RPH3AL: variants seen among roughly 807,000 people sequenced by gnomAD.
RPH3AL encodes rabphilin 3A like (without C2 domains).
In RPH3AL, 38 loss-of-function variants were observed where a neutral mutation model predicts 43.1. The observed-to-expected ratio is 0.88, with a 90% confidence interval of 0.68 to 1.15. The LOEUF (loss-of-function observed/expected upper bound fraction) is 1.15, where lower values mean the gene tolerates loss of function less well. RPH3AL is among the 50% of genes most tolerant of loss of function. The pLI, the probability that RPH3AL is intolerant of heterozygous loss-of-function variation, is 0.00. For synonymous variants in RPH3AL, 189 were observed against 176.3 expected, an observed-to-expected ratio of 1.07 and a Z score of -0.57; for missense variants, 462 against 423.2, an observed-to-expected ratio of 1.09 and a Z score of -0.81.
In RPH3AL at chr17:257,559, AATGTG is replaced by A. The variant is rs1555544737; in HGVS notation, c.439-10279_439-10275del. On this transcript the variant is annotated intron_variant, in intron 6 of 9. Coordinates refer to ENST00000331302, the MANE Select transcript of RPH3AL (RefSeq NM_006987.4). ...GCGTCTGTCCTTTTCCGTCCCTAGGAATGTGACTACCCTACGTACTTCCTATGAGG... is the reference window on the plus strand; with the variant it reads ...GCGTCTGTCCTTTTCCGTCCCTAGGAACTACCCTACGTACTTCCTATGAGG... Among the ~76,000 whole-genome samples the A allele has an allele frequency of 3.2e-4, 12 of 38,086 alleles. 1 individual carries two copies. The highest frequency in any genetic ancestry group is 7.3e-4 in the Admixed American group (3 of 4,100). The allele number at this position is 38,086 out of a possible 152,430, so 25.0% of individuals were successfully genotyped here. A position where few individuals can be genotyped will look rare whatever the true frequency, so the allele number is the denominator to read the frequency against.
Position 290,602 on chromosome 17 carries a change from C to T in RPH3AL, c.352-8748G>A, listed in dbSNP as rs1307612465. Reference sequence around the variant, plus strand: ...ACCCCTTCTCCTTCCCAGATGGCACCCAAGAGTCACAATGCGACAGAAGGT... The same window carrying T: ...ACCCCTTCTCCTTCCCAGATGGCACTCAAGAGTCACAATGCGACAGAAGGT... On this transcript the variant is annotated intron_variant, in intron 5 of 9. Coordinates refer to ENST00000331302, the MANE Select transcript of RPH3AL (RefSeq NM_006987.4). The surrounding 1 kb of genome is among the most constrained non-coding windows in gnomAD (Gnocchi z 4.2). Among the ~76,000 whole-genome samples, 2 of 152,028 alleles carry T rather than the reference C, an allele frequency of 1.3e-5. No individual in the cohort carries two copies. The highest frequency in any genetic ancestry group is 2.9e-5 in the Non-Finnish European group (2 of 68,018).
intron 5 of RPH3AL, among the ~76,000 whole-genome samples, chr17:306,019 C>T (rs2043477447): frequency 9.4e-6 from 1 of 106,160 alleles, no homozygotes; most frequent in African/African-American, 3.2e-5. Context: ...CCACCATGCC[C>T]AGCTATTTTT....
At chr17:265,268 T>C (rs974888180) in intron 6 of RPH3AL, among the ~76,000 whole-genome samples, 8 of 152,136 alleles carry the variant, frequency 5.3e-5, no homozygotes, top group African/African-American at 1.7e-4. Context: ...TTTTTGTAAT[T>C]TCTTTTTAAG....
chr17:268,989 C>T (rs1244613993), intron 6 of RPH3AL, among the ~76,000 whole-genome samples: 2 of 152,162 alleles, frequency 1.3e-5, no homozygotes, highest in African/African-American at 2.4e-5. Context: ...CGCCATTCTC[C>T]TGCCTCAGCC....
chr17:263,262 A>G (rs55695413), intron 6 of RPH3AL, among the ~76,000 whole-genome samples: 36,211 of 152,096 alleles, frequency 0.24, 4,665 homozygotes, highest in East Asian at 0.35. Context: ...ACAGAGGAAA[A>G]TATTATACAA....
At position 274,768 on chromosome 17, in the gene RPH3AL, A is replaced by G. The variant is rs2042613852; in HGVS notation, c.438+7000T>C. On this transcript the variant is annotated intron_variant, in intron 6 of 9. Transcript: ENST00000331302. The surrounding 1 kb of genome is among the most constrained non-coding windows in gnomAD (Gnocchi z 4.7). ...GTCTGCGGGGCTTAGGCTGCTGCAG[A>G]AGCGGGGAGGGGAAAACCTCCAAAG... Among the ~76,000 whole-genome samples, 1 of 152,172 alleles carries G rather than the reference A, an allele frequency of 6.6e-6. No homozygotes were observed. Among genetic ancestry groups the G allele is most frequent in the South Asian group, 2.1e-4 (1 of 4,830 alleles).
chr17:282,054 C>G (rs923916074), intron 5 of RPH3AL, among the ~76,000 whole-genome samples, 200 bp from the exon 6 acceptor site: 1 of 152,184 alleles, frequency 6.6e-6, no homozygotes, highest in Non-Finnish European at 1.5e-5. Flanking sequence ...ATGGCCCCAT[C>G]CACGGAACCC....
intron 6 of RPH3AL, among the ~76,000 whole-genome samples, chr17:280,708 G>A (rs971784487): frequency 6.6e-6 from 1 of 152,196 alleles, no homozygotes; most frequent in Admixed American, 6.5e-5. Context: ...TGACTTGGAA[G>A]GCAGTACTGA....
intron 9 of RPH3AL, chr17:214,648 T>C (rs1035849260): frequency 1.3e-5 from 2 of 152,264 alleles, no homozygotes; most frequent in African/African-American, 4.8e-5. Context: ...CACTTGCCTA[T>C]AGTCCTAGCT....
chr17:282,182 C>A (rs1161426575), intron 5 of RPH3AL, among the ~76,000 whole-genome samples: 1 of 152,198 alleles, frequency 6.6e-6, no homozygotes, highest in African/African-American at 2.4e-5. Flanking sequence ...AGGGGAGGGT[C>A]CAGGCAAACA....
Position 275,242 on chromosome 17 carries a change from CAAAAAACA to C in RPH3AL, c.438+6518_438+6525del, listed in dbSNP as rs887448766. 9.1e-4 allele frequency among the ~76,000 whole-genome samples: 23 copies of C among 25,322 alleles called. No individual in the cohort carries two copies. In the Admixed American group the frequency reaches 0.012, roughly 13 times the overall value. The allele number at this position is 25,322 out of a possible 152,430, so 16.6% of individuals were successfully genotyped here. On this transcript the variant is annotated intron_variant, in intron 6 of 9. Transcript: ENST00000331302. ...CAATTATTCATAACAGCAAAAAAAA[CAAAAAACA>C]AAAAAAGGAGAGTAACCAAAATGAT...
At chr17:332,955 GTTGCC>G in intron 2 of RPH3AL, 1 of 1,204,450 alleles carries the variant, frequency 8.3e-7, no homozygotes, top group Admixed American at 2.4e-5. Context: ...CGGAACAGGA[GTTGCC>G]GGTGATAATT....
chr17:232,321 A>T (rs916969750), intron 7 of RPH3AL, among the ~76,000 whole-genome samples: 1 of 152,168 alleles, frequency 6.6e-6, no homozygotes. Flanking sequence ...ACACGAAATA[A>T]CGGAGACGCA....
chr17:315,184 T>A (rs1227030010), intron 5 of RPH3AL, among the ~76,000 whole-genome samples: 4 of 37,342 alleles, frequency 1.1e-4, no homozygotes, highest in African/African-American at 3.2e-4. Flanking sequence ...CATTCACCTG[T>A]AGTCCCTGTG....
At chr17:238,769 G>A (rs1327175265) in intron 7 of RPH3AL, among the ~76,000 whole-genome samples, 2 of 152,138 alleles carry the variant, frequency 1.3e-5, no homozygotes, top group Non-Finnish European at 2.9e-5. Context: ...CTGTGCACAG[G>A]GTGGAAATCC....
chr17:324,568 T>A (rs189205076), intron 3 of RPH3AL, among the ~76,000 whole-genome samples: 164 of 152,356 alleles, frequency 1.1e-3, no homozygotes, highest in African/African-American at 3.7e-3. Context: ...CCTTGTGTTC[T>A]AGGCTTCGTG....
chr17:251,680 C>T (rs1028569301), intron 6 of RPH3AL, among the ~76,000 whole-genome samples: 23 of 152,260 alleles, frequency 1.5e-4, no homozygotes, highest in African/African-American at 5.1e-4. Context: ...AAGGCCACCC[C>T]ATCTCTGAAG....
intron 6 of RPH3AL, among the ~76,000 whole-genome samples, chr17:248,404 T>A (rs551222350): frequency 6.6e-6 from 1 of 152,272 alleles, no homozygotes; most frequent in African/African-American, 2.4e-5. Context: ...CTTGACCCTA[T>A]GTAGTCCCCC....
In RPH3AL at chr17:256,188, T is replaced by G. The variant is rs373627072; in HGVS notation, c.439-8903A>C. Among the ~76,000 whole-genome samples the G allele has an allele frequency of 1.5e-3, 9 of 5,864 alleles. 1 individual carries two copies. Among genetic ancestry groups the G allele is most frequent in the African/African-American group, 3.5e-3 (8 of 2,272 alleles). 3.8% of individuals were successfully genotyped at this position (5,864 alleles called of 152,430 possible). On this transcript the variant is annotated intron_variant, in intron 6 of 9. Transcript: ENST00000331302. The stretch of plus-strand genomic sequence containing the variant: ...CCTACGTACTTCCTATGAGGGGAGC[T>G]GCACGGCGTCTGTCCTTTTCCGTCC...
Sources: allele counts gnomAD v4.1 joint callset (sites outside exome capture counted in the v4.1 genomes callset), GRCh38; gene constraint gnomAD v4.1.1; non-coding constraint Gnocchi (gnomAD v3.1); transcripts MANE v1.5; gene names NCBI Gene and HGNC (gene_info 2026-07-23, HGNC 2026-07-21).